Variants in CEP128 observed in about 807,000 individuals in gnomAD.
The protein encoded by CEP128 is centrosomal protein 128kDa.
A neutral mutation model predicts 156.7 loss-of-function variants in CEP128; 132 were observed. The ratio of observed to expected loss-of-function variants is 0.84; its 90% confidence interval spans 0.73 to 0.97. The LOEUF (loss-of-function observed/expected upper bound fraction) is 0.97, where lower values mean the gene tolerates loss of function less well. Among genes scored for constraint, CEP128 ranks in the 50% least tolerant of loss-of-function variants. The pLI is 0.00. For synonymous variants in CEP128, 469 were observed against 448.9 expected (o/e 1.04, Z -0.57); for missense variants, 1,252 against 1,281.9 (o/e 0.98, Z 0.36).
intron 20 of CEP128, among the ~76,000 whole-genome samples, chr14:80,572,859 G>A (rs1399634325): frequency 6.6e-6 from 1 of 152,198 alleles, no homozygotes; most frequent in Non-Finnish European, 1.5e-5. Context: ...ATGAAGATGA[G>A]TCAAATCATC....
At chr14:80,733,454 C>T (rs1464280623) in intron 19 of CEP128, among the ~76,000 whole-genome samples, 1 of 151,582 alleles carries the variant, frequency 6.6e-6, no homozygotes, top group East Asian at 1.9e-4. Flanking sequence ...CAGACTAATA[C>T]AGGTGGTCTA....
intron 19 of CEP128, among the ~76,000 whole-genome samples, chr14:80,665,338 T>C (rs1895569447): frequency 7.4e-6 from 1 of 135,112 alleles, no homozygotes; most frequent in Admixed American, 7.3e-5. Context: ...TAATTGGTGA[T>C]GGCTAAGAGA....
At chr14:80,926,510 G>A (rs1007492067) in intron 2 of CEP128, among the ~76,000 whole-genome samples, 1 of 152,318 alleles carries the variant, frequency 6.6e-6, no homozygotes, top group South Asian at 2.1e-4. Flanking sequence ...ACTCAAACGT[G>A]GGGAGCCAGA....
At chr14:80,857,275 C>T (rs1157118346) in intron 9 of CEP128, among the ~76,000 whole-genome samples, 1 of 146,832 alleles carries the variant, frequency 6.8e-6, no homozygotes, top group Admixed American at 6.8e-5. Context: ...ATACCTCTTT[C>T]CCAACACTAC....
chr14:80,888,298 G>A (rs1477455671), intron 8 of CEP128, among the ~76,000 whole-genome samples: 1 of 152,136 alleles, frequency 6.6e-6, no homozygotes, highest in Non-Finnish European at 1.5e-5. Context: ...GCATCATCCT[G>A]ATACCAAAAC....
intron 24 of CEP128, among the ~76,000 whole-genome samples, chr14:80,501,493 CTTTCT>C (rs766219514): frequency 4.3e-4 from 65 of 151,904 alleles, no homozygotes; most frequent in Non-Finnish European, 7.7e-4. Context: ...CCTTTTCTTT[CTTTCT>C]TTTCTTTTTC....
chr14:80,561,030 T>A (rs936740774), intron 20 of CEP128, among the ~76,000 whole-genome samples: 19 of 152,190 alleles, frequency 1.2e-4, no homozygotes, highest in Non-Finnish European at 2.9e-5. Flanking sequence ...CATAGACCTA[T>A]GACACTTAGA....
intron 19 of CEP128, among the ~76,000 whole-genome samples, chr14:80,691,190 C>A (rs759757345): frequency 1.3e-5 from 2 of 152,160 alleles, no homozygotes; most frequent in Non-Finnish European, 2.9e-5. Context: ...ATGTTCCTGG[C>A]CTTTCCAATA....
chr14:80,697,885 A>G (rs906812923), intron 19 of CEP128, among the ~76,000 whole-genome samples: 10 of 151,990 alleles, frequency 6.6e-5, no homozygotes, highest in African/African-American at 2.4e-4. Flanking sequence ...AAATATATAT[A>G]TGTGTGTATA....
intron 14 of CEP128, among the ~76,000 whole-genome samples, chr14:80,791,069 G>C (rs1901681694): frequency 6.6e-6 from 1 of 152,080 alleles, no homozygotes; most frequent in Non-Finnish European, 1.5e-5. Flanking sequence ...TGATTTTATT[G>C]AGAATTAAAT....
At chr14:80,725,381 C>T (rs1897983644) in intron 19 of CEP128, among the ~76,000 whole-genome samples, 1 of 151,864 alleles carries the variant, frequency 6.6e-6, no homozygotes, top group South Asian at 2.1e-4. Context: ...CGGGGTTTTA[C>T]CATGTTGGCC....
chr14:80,907,295 C>A (rs578034875), intron 4 of CEP128, among the ~76,000 whole-genome samples: 1 of 152,076 alleles, frequency 6.6e-6, no homozygotes, highest in African/African-American at 2.4e-5. Context: ...GGGGTTTCCA[C>A]ACCCCTCTGT....
intron 9 of CEP128, among the ~76,000 whole-genome samples, chr14:80,846,773 A>G (rs1480639695): frequency 6.6e-6 from 1 of 152,234 alleles, no homozygotes; most frequent in African/African-American, 2.4e-5. Context: ...CAAGAATTTC[A>G]TGACAACTTA....
chr14:80,830,151 C>A, intron 13 of CEP128: 2 of 505,494 alleles, frequency 4.0e-6, no homozygotes, highest in Non-Finnish European at 3.5e-6. Context: ...TGTATAATTA[C>A]CATTGCTCTG....
chr14:80,925,709 A>G (rs1885106513), intron 2 of CEP128, among the ~76,000 whole-genome samples: 1 of 152,116 alleles, frequency 6.6e-6, no homozygotes, highest in African/African-American at 2.4e-5. Context: ...TCCAAGAAGC[A>G]ACACAGGAAC....
chr14:80,944,858 C>A (rs79876143), upstream of CEP128, among the ~76,000 whole-genome samples: 1,493 of 53,660 alleles, frequency 0.028, no homozygotes, highest in Middle Eastern at 0.039. Context: ...AAAAAAAAAA[C>A]AGAAAAAACA....
intron 19 of CEP128, among the ~76,000 whole-genome samples, chr14:80,698,713 A>C (rs1480502842): frequency 6.6e-6 from 1 of 152,190 alleles, no homozygotes; most frequent in Non-Finnish European, 1.5e-5. Context: ...ATTTATAATA[A>C]AGGTGATTTC....
intron 16 of CEP128, among the ~76,000 whole-genome samples, chr14:80,773,180 T>A (rs532278408): frequency 1.3e-5 from 2 of 152,344 alleles, no homozygotes; most frequent in South Asian, 4.1e-4. Flanking sequence ...ATTTCTCAGA[T>A]TCTTGTATAT....
intron 14 of CEP128, among the ~76,000 whole-genome samples, chr14:80,790,715 A>G (rs1001864549): frequency 1.3e-5 from 2 of 152,186 alleles, no homozygotes; most frequent in African/African-American, 4.8e-5. Flanking sequence ...GAAATAAATC[A>G]GAGAAATTTT....
Sources: gnomAD v4.1 joint callset for allele counts (sites outside exome capture counted in the v4.1 genomes callset) on GRCh38, gnomAD v4.1.1 for gene constraint, MANE v1.5 for transcripts, NCBI Gene and HGNC (gene_info 2026-07-23, HGNC 2026-07-21) for gene names.